Variants in CDH13 observed in about 807,000 individuals in gnomAD.
CDH13 encodes cadherin-13.
In CDH13, 24 loss-of-function variants were observed where a neutral mutation model predicts 63.8. The ratio of observed to expected loss-of-function variants is 0.38; its 90% confidence interval spans 0.27 to 0.53. The LOEUF is 0.53. CDH13 is among the 20% of genes least tolerant of loss of function. The pLI is 0.85. For missense variants in CDH13, 1,049 were observed against 903.1 expected, an observed-to-expected ratio of 1.16 and a Z score of -2.07; for synonymous variants, 503 against 355.3, an observed-to-expected ratio of 1.42 and a Z score of -4.67.
At chr16:83,048,605 C>A (rs1208749937) in intron 3 of CDH13, among the ~76,000 whole-genome samples, 1 of 152,148 alleles carries the variant, frequency 6.6e-6, no homozygotes, top group Non-Finnish European at 1.5e-5. Context: ...AAAGTTCATA[C>A]CATCCATTTC....
rs199532057 is a variant in CDH13, at chr16:83,414,265, C to A, written c.781+69259C>A. Among the ~76,000 whole-genome samples, 3 of 152,084 alleles carry A rather than the reference C, an allele frequency of 2.0e-5. No individual in the cohort carries two copies. In the East Asian group the frequency reaches 5.8e-4, roughly 29 times the overall value. ...GTAGCAGTTGTTGTTTAAAAAACAA[C>A]TTTATTAATACATAATTCATATACT... On this transcript the variant is annotated intron_variant, in intron 6 of 13. Transcript: ENST00000567109.
intron 6 of CDH13, among the ~76,000 whole-genome samples, chr16:83,405,800 C>A (rs2092033713): frequency 6.6e-6 from 1 of 152,198 alleles, no homozygotes; most frequent in East Asian, 1.9e-4. Flanking sequence ...TTTACAAGCA[C>A]CTTGGAGGCA....
At chr16:83,605,512 T>A (rs920394352) in intron 8 of CDH13, among the ~76,000 whole-genome samples, 4 of 152,166 alleles carry the variant, frequency 2.6e-5, no homozygotes, top group Non-Finnish European at 5.9e-5. Flanking sequence ...GTGCTCTACA[T>A]CCCAGTCTCT....
At chr16:83,519,807 A>T (rs1341065073) in intron 7 of CDH13, among the ~76,000 whole-genome samples, 1 of 152,142 alleles carries the variant, frequency 6.6e-6, no homozygotes, top group East Asian at 1.9e-4. Flanking sequence ...GGTGGGGGGA[A>T]CAAGGGGAAC....
chr16:83,148,728 G>C (rs1231437036), intron 4 of CDH13, among the ~76,000 whole-genome samples: 1 of 152,160 alleles, frequency 6.6e-6, no homozygotes, highest in African/African-American at 2.4e-5. Flanking sequence ...AGGAGTTTTA[G>C]CAGGCAGGTG....
At chr16:83,039,180 C>T (rs922628787) in intron 3 of CDH13, among the ~76,000 whole-genome samples, 1 of 152,240 alleles carries the variant, frequency 6.6e-6, no homozygotes, top group Non-Finnish European at 1.5e-5. Context: ...TGCTCCCAGT[C>T]TGGAGTTATT....
At chr16:83,522,234 C>T (rs1322805800) in intron 7 of CDH13, among the ~76,000 whole-genome samples, 2 of 152,182 alleles carry the variant, frequency 1.3e-5, no homozygotes, top group Admixed American at 6.5e-5. Context: ...TATGGAAAGG[C>T]CATAACAGCT....
chr16:83,684,787 G>T (rs548634820), intron 10 of CDH13, among the ~76,000 whole-genome samples: 2 of 152,176 alleles, frequency 1.3e-5, no homozygotes, highest in African/African-American at 4.8e-5. Context: ...GGAGCCCTGC[G>T]AGTATATGTC....
chr16:83,548,127 T>A (rs2075422918), intron 7 of CDH13, among the ~76,000 whole-genome samples: 1 of 151,984 alleles, frequency 6.6e-6, no homozygotes, highest in Non-Finnish European at 1.5e-5. Flanking sequence ...CAAGAGCAGG[T>A]GTCCAGGTGG....
At chr16:82,871,487 C>A (rs372102763) in intron 2 of CDH13, among the ~76,000 whole-genome samples, 1 of 152,102 alleles carries the variant, frequency 6.6e-6, no homozygotes, top group Non-Finnish European at 1.5e-5. Flanking sequence ...AGGGTTGACA[C>A]TAACAGGCAT....
At chr16:82,632,454 G>C (rs1908127435) in intron 1 of CDH13, among the ~76,000 whole-genome samples, 3 of 152,138 alleles carry the variant, frequency 2.0e-5, no homozygotes, top group Admixed American at 2.0e-4. Flanking sequence ...CAGGCACCCA[G>C]AGAGACATAG....
At chr16:82,677,177 T>C (rs531472161) in intron 1 of CDH13, among the ~76,000 whole-genome samples, 135 of 152,364 alleles carry the variant, frequency 8.9e-4, no homozygotes, top group African/African-American at 3.2e-3. Flanking sequence ...CCACTGCGCC[T>C]GGCCTACACA....
At chr16:83,261,087 G>A (rs1375437374) in intron 5 of CDH13, among the ~76,000 whole-genome samples, 2 of 152,026 alleles carry the variant, frequency 1.3e-5, no homozygotes, top group Non-Finnish European at 2.9e-5. Flanking sequence ...TGGCTCACAG[G>A]TCCACTCCTC....
intron 2 of CDH13, among the ~76,000 whole-genome samples, chr16:82,916,671 G>T (rs1024443862): frequency 6.6e-6 from 1 of 151,670 alleles, no homozygotes; most frequent in Admixed American, 6.6e-5. Context: ...ATATTCGGGA[G>T]GTTTATGAGA....
chr16:83,575,332 T>TACAAAA (rs548126550), intron 7 of CDH13, among the ~76,000 whole-genome samples: 1 of 152,150 alleles, frequency 6.6e-6, no homozygotes, highest in African/African-American at 2.4e-5. Flanking sequence ...AGAAAGCTGT[T>TACAAAA]ACAAAAACAA....
Position 82,798,800 on chromosome 16 carries a change from C to T in CDH13, c.46-59562C>T, listed in dbSNP as rs57511335. On this transcript the variant is annotated intron_variant, in intron 1 of 13. Coordinates refer to ENST00000567109, the MANE Select transcript of CDH13 (RefSeq NM_001257.5). ...CTCCGTTAAGACGATTGCAAGATCCCAGCAAGGGATCTTGAATATTTGCAG... is the reference window on the plus strand; with the variant it reads ...CTCCGTTAAGACGATTGCAAGATCCTAGCAAGGGATCTTGAATATTTGCAG... Among the ~76,000 whole-genome samples, 20 of 152,172 alleles carry T rather than the reference C, an allele frequency of 1.3e-4. No individual in the cohort carries two copies. In the East Asian group the frequency reaches 3.7e-3, roughly 28 times the overall value.
intron 4 of CDH13, among the ~76,000 whole-genome samples, chr16:83,137,334 G>A (rs1051151545): frequency 6.6e-6 from 1 of 152,180 alleles, no homozygotes; most frequent in African/African-American, 2.4e-5. Flanking sequence ...GGAAAATTCT[G>A]CAGCAATTGT....
At chr16:82,765,884 C>G (rs1194394573) in intron 1 of CDH13, among the ~76,000 whole-genome samples, 2 of 152,114 alleles carry the variant, frequency 1.3e-5, no homozygotes, top group Admixed American at 6.5e-5. Context: ...ATGGAATTAT[C>G]CCCATTATAT....
chr16:83,260,655 G>A (rs947127528), intron 5 of CDH13, among the ~76,000 whole-genome samples: 8 of 152,160 alleles, frequency 5.3e-5, no homozygotes, highest in Non-Finnish European at 1.0e-4. Flanking sequence ...ACACTGAACA[G>A]CAAAGGAAGA....
Sources: gnomAD v4.1 joint callset for allele counts (sites outside exome capture counted in the v4.1 genomes callset) on GRCh38, gnomAD v4.1.1 for gene constraint, MANE v1.5 for transcripts, NCBI Gene and HGNC (gene_info 2026-07-23, HGNC 2026-07-21) for gene names.